C1QTNF3: variants seen among roughly 807,000 people sequenced by gnomAD.
The protein encoded by C1QTNF3 is complement C1q tumor necrosis factor-related protein 3.
Under a neutral mutation model 32.6 loss-of-function variants are expected in C1QTNF3, and 26 were observed. That is an observed-to-expected ratio of 0.80 (90% CI 0.58 to 1.11). The LOEUF (loss-of-function observed/expected upper bound fraction) is 1.11, where lower values mean the gene tolerates loss of function less well. C1QTNF3 is among the 50% of genes least tolerant of loss of function. C1QTNF3 has a pLI of 0.00. For synonymous variants in C1QTNF3, 155 were observed against 146.0 expected, an observed-to-expected ratio of 1.06 and a Z score of -0.44; for missense variants, 362 against 398.2, an observed-to-expected ratio of 0.91 and a Z score of 0.77.
chr5:34,114,375 C>CA, the C1QTNF3 span, among the ~76,000 whole-genome samples: 1 of 152,030 alleles, frequency 6.6e-6, no homozygotes, highest in South Asian at 2.1e-4. Context: ...TATAAGCAAA[C>CA]AAAAAAATCC....
the C1QTNF3 span, among the ~76,000 whole-genome samples, chr5:34,144,096 C>T: frequency 1.3e-4 from 19 of 150,580 alleles, no homozygotes; most frequent in East Asian, 1.6e-3. Flanking sequence ...AGCAAAAGGA[C>T]GACAAAAAAA....
chr5:34,154,267 T>A, the C1QTNF3 span, among the ~76,000 whole-genome samples: 1 of 152,242 alleles, frequency 6.6e-6, no homozygotes, highest in Non-Finnish European at 1.5e-5. Flanking sequence ...TTAATCGCAA[T>A]GTACTGAATC....
At chr5:34,060,901 G>A in the C1QTNF3 span, among the ~76,000 whole-genome samples, 1 of 152,018 alleles carries the variant, frequency 6.6e-6, no homozygotes, top group African/African-American at 2.4e-5. Context: ...AACCAATCAT[G>A]CCTTGCCAAC....
At chr5:34,163,977 A>G in the C1QTNF3 span, among the ~76,000 whole-genome samples, 1 of 152,256 alleles carries the variant, frequency 6.6e-6, no homozygotes, top group South Asian at 2.1e-4. Flanking sequence ...ACAGTGGAAC[A>G]AAGATATAAA....
the C1QTNF3 span, among the ~76,000 whole-genome samples, chr5:34,234,739 T>C: frequency 2.0e-5 from 3 of 152,152 alleles, no homozygotes; most frequent in Non-Finnish European, 4.4e-5. Context: ...TAAGGTCCAT[T>C]GTCCCTGTGG....
At chr5:34,163,064 C>T in the C1QTNF3 span, among the ~76,000 whole-genome samples, 10 of 152,180 alleles carry the variant, frequency 6.6e-5, no homozygotes, top group Admixed American at 5.2e-4. Flanking sequence ...TGTGCACACA[C>T]GGATAAAAAA....
chr5:34,193,878 C>G, the C1QTNF3 span, among the ~76,000 whole-genome samples: 4 of 151,928 alleles, frequency 2.6e-5, no homozygotes, highest in South Asian at 2.1e-4. Flanking sequence ...CTCTCTCAAG[C>G]AAAAAAACAG....
chr5:34,154,817 T>G, the C1QTNF3 span, among the ~76,000 whole-genome samples: 3 of 152,092 alleles, frequency 2.0e-5, no homozygotes, highest in African/African-American at 7.2e-5. Flanking sequence ...CAGGTAGAGA[T>G]AGAGACAGAT....
rs556049097 is a variant in C1QTNF3 at position 34,032,261 on chromosome 5, T to A, written c.570+1043A>T. On this transcript the variant is annotated intron_variant, in intron 3 of 5. Coordinates refer to ENST00000382065, the MANE Select transcript of C1QTNF3 (RefSeq NM_181435.6). ...ATTTTCCTTGTGACCTAACCTCACA[T>A]TTACAAGTTTAAGATCGTGTTGGCA... is the stretch of plus-strand genomic sequence containing the variant. 2.6e-5 allele frequency among the ~76,000 whole-genome samples: 4 copies of A among 152,364 alleles called. No homozygotes were observed. In the East Asian group the frequency reaches 7.7e-4, roughly 29 times the overall value.
the C1QTNF3 span, among the ~76,000 whole-genome samples, chr5:34,222,344 T>C: frequency 0.012 from 1,867 of 152,082 alleles, 44 homozygotes; most frequent in African/African-American, 0.043. Context: ...TGGTTGAATT[T>C]TTAGATTGTT....
At chr5:34,157,710 G>C in the C1QTNF3 span, among the ~76,000 whole-genome samples, 5 of 152,276 alleles carry the variant, frequency 3.3e-5, no homozygotes, top group East Asian at 7.7e-4. Context: ...AAGGAATGTC[G>C]ATAGCCTCTA....
the C1QTNF3 span, among the ~76,000 whole-genome samples, chr5:34,175,235 G>A: frequency 6.6e-6 from 1 of 151,538 alleles, no homozygotes; most frequent in African/African-American, 2.4e-5. Flanking sequence ...GTAGAGATGG[G>A]GGTCCTCCTA....
the C1QTNF3 span, among the ~76,000 whole-genome samples, chr5:34,142,951 T>C: frequency 6.6e-5 from 10 of 152,288 alleles, no homozygotes; most frequent in East Asian, 5.8e-4. Context: ...ACTGAGATGA[T>C]GGACATAGAA....
chr5:34,124,188 T>C, the C1QTNF3 span: 1 of 411,714 alleles, frequency 2.4e-6, no homozygotes, highest in Non-Finnish European at 4.3e-6. Context: ...AGCCGTCCTT[T>C]TATTAATTAG....
the C1QTNF3 span, among the ~76,000 whole-genome samples, chr5:34,159,717 A>G: frequency 6.6e-6 from 1 of 152,036 alleles, no homozygotes; most frequent in Non-Finnish European, 1.5e-5. Context: ...ATATGCTGTG[A>G]TAAGTAAGAA....
At chr5:34,176,455 T>C in the C1QTNF3 span, among the ~76,000 whole-genome samples, 1 of 151,462 alleles carries the variant, frequency 6.6e-6, no homozygotes, top group South Asian at 2.1e-4. Flanking sequence ...AACCCAGAAT[T>C]AAAAAGGAGG....
At chr5:34,058,593 G>T in the C1QTNF3 span, among the ~76,000 whole-genome samples, 1 of 152,192 alleles carries the variant, frequency 6.6e-6, no homozygotes, top group Admixed American at 6.5e-5. Flanking sequence ...GCTGGTGAGA[G>T]AGACTTCGCT....
chr5:34,146,866 G>A, the C1QTNF3 span, among the ~76,000 whole-genome samples: 1 of 152,108 alleles, frequency 6.6e-6, no homozygotes. Flanking sequence ...TATTTACAAA[G>A]TAGACAACCT....
At chr5:34,160,549 T>C in the C1QTNF3 span, among the ~76,000 whole-genome samples, 1 of 152,116 alleles carries the variant, frequency 6.6e-6, no homozygotes, top group African/African-American at 2.4e-5. Flanking sequence ...CCCTAAATTA[T>C]AAGGGGACGC....
Sources: allele counts gnomAD v4.1 joint callset (sites outside exome capture counted in the v4.1 genomes callset), GRCh38; gene constraint gnomAD v4.1.1; transcripts MANE v1.5; gene names NCBI Gene and HGNC (gene_info 2026-07-23, HGNC 2026-07-21).